SLAIN1: variants seen among roughly 807,000 people sequenced by gnomAD.
SLAIN1 encodes SLAIN family member 1.
Under a neutral mutation model 55.4 loss-of-function variants are expected in SLAIN1, and 17 were observed. That is an observed-to-expected ratio of 0.31 (90% CI 0.21 to 0.46). The LOEUF is 0.46. SLAIN1 is among the 20% of genes least tolerant of loss of function. The pLI is 1.00. For synonymous variants in SLAIN1, 348 were observed against 337.4 expected, an observed-to-expected ratio of 1.03 and a Z score of -0.35; for missense variants, 682 against 785.1, an observed-to-expected ratio of 0.87 and a Z score of 1.57.
At chr13:77,730,970 T>G (rs1294497421) in intron 2 of SLAIN1, among the ~76,000 whole-genome samples, 1 of 152,100 alleles carries the variant, frequency 6.6e-6, no homozygotes, top group African/African-American at 2.4e-5. Flanking sequence ...TCTCTGAAAG[T>G]TGGCCAAAGG....
chr13:77,757,639 A>T (rs1374820464), intron 5 of SLAIN1, among the ~76,000 whole-genome samples: 1 of 152,058 alleles, frequency 6.6e-6, no homozygotes, highest in Non-Finnish European at 1.5e-5. Flanking sequence ...TTATGCCTTT[A>T]CATCCTCATA....
chr13:77,752,160 T>G (rs557217088), intron 4 of SLAIN1, among the ~76,000 whole-genome samples: 1 of 152,272 alleles, frequency 6.6e-6, no homozygotes, highest in African/African-American at 2.4e-5. Flanking sequence ...TTCCAGAGAT[T>G]AATGTGGTCA....
chr13:77,697,957 C>T lies in SLAIN1; in HGVS notation c.44C>T (p.Ser15Phe), dbSNP rs1368410637. 6.9e-7 allele frequency: 1 copy of T among 1,445,698 alleles called. No homozygotes were observed. Among genetic ancestry groups the T allele is most frequent in the Non-Finnish European group, 9.2e-7 (1 of 1,090,684 alleles). The allele number at this position is 1,445,698 out of a possible 1,614,324, so 89.6% of individuals were successfully genotyped here. A position where few individuals can be genotyped will look rare whatever the true frequency, so the allele number is the denominator to read the frequency against. The change falls in exon 1 of 7, where the codon TCT (serine) becomes TTT (phenylalanine). Residue 15 changes from serine to phenylalanine, a missense_variant. By Grantham distance (155) the Ser-to-Phe change is radical. This residue lies in a region of SLAIN1 where 401 missense variants were observed against 417.3 expected (regional missense o/e 0.96). Transcript: ENST00000418532. Reference sequence around the variant, plus strand: ...AAATGCGCCTCGGCAGGGGTCAGCTCTGGAGCGGGCTCCGGGCCGGTGGTG... The same window carrying T: ...AAATGCGCCTCGGCAGGGGTCAGCTTTGGAGCGGGCTCCGGGCCGGTGGTG... ...QVKCASAGVS[S>F]GAGSGPVVNA...
Position 77,761,247 on chromosome 13 carries a change from C to G in SLAIN1, c.1697+137C>G, listed in dbSNP as rs1874998866. On this transcript the variant is annotated intron_variant, in intron 6 of 6. Coordinates refer to ENST00000418532, the MANE Select transcript of SLAIN1 (RefSeq NM_001242868.2). ...TATGGCCTGACTTGTGCTCTCCTCC[C>G]TTTGAAAAGTGATGGATATCCCTGT... The G allele has an allele frequency of 4.9e-6, 4 of 820,078 alleles. No homozygotes were observed. In the South Asian group the frequency reaches 7.0e-5, roughly 14 times the overall value. The allele number at this position is 820,078 out of a possible 1,614,324, so 50.8% of individuals were successfully genotyped here.
intron 1 of SLAIN1, among the ~76,000 whole-genome samples, chr13:77,705,644 A>G: frequency 6.8e-6 from 1 of 146,312 alleles, no homozygotes; most frequent in African/African-American, 2.5e-5. Context: ...AGAAATACAG[A>G]TTTTTTTTTT....
intron 1 of SLAIN1, among the ~76,000 whole-genome samples, chr13:77,701,042 C>T (rs1421173698): frequency 6.6e-6 from 1 of 152,084 alleles, no homozygotes; most frequent in Non-Finnish European, 1.5e-5. Flanking sequence ...TTTCATTGAA[C>T]ATACATTGGA....
chr13:77,742,999 T>G, intron 2 of SLAIN1: 1 of 1,281,530 alleles, frequency 7.8e-7, no homozygotes, highest in Non-Finnish European at 1.0e-6. Context: ...TGCTGCTATT[T>G]TCTGCTTCTG....
chr13:77,716,138 A>G (rs1247082757), intron 1 of SLAIN1, among the ~76,000 whole-genome samples: 1 of 150,044 alleles, frequency 6.7e-6, no homozygotes, highest in African/African-American at 2.4e-5. Context: ...TTTTTTTCTC[A>G]CATATAGATA....
At chr13:77,703,738 A>G (rs1341654490) in intron 1 of SLAIN1, among the ~76,000 whole-genome samples, 2 of 151,850 alleles carry the variant, frequency 1.3e-5, no homozygotes, top group East Asian at 1.9e-4. Flanking sequence ...AAACACTGTT[A>G]CAGAGAACTA....
intron 2 of SLAIN1, among the ~76,000 whole-genome samples, chr13:77,729,546 C>T (rs1594271832): frequency 6.6e-6 from 1 of 151,418 alleles, no homozygotes; most frequent in Middle Eastern, 3.4e-3. Flanking sequence ...TTCTTGGGAC[C>T]TCTACAGAAT....
intron 5 of SLAIN1, among the ~76,000 whole-genome samples, chr13:77,759,265 T>A (rs1199080079): frequency 6.6e-6 from 1 of 152,184 alleles, no homozygotes; most frequent in Non-Finnish European, 1.5e-5. Flanking sequence ...TGCTACTGAT[T>A]TGTGTACATT....
chr13:77,727,876 C>T (rs1270930284), intron 2 of SLAIN1, among the ~76,000 whole-genome samples: 1 of 152,090 alleles, frequency 6.6e-6, no homozygotes, highest in Non-Finnish European at 1.5e-5. Flanking sequence ...CAGAAACATT[C>T]CTAATGTACA....
Position 77,761,051 on chromosome 13 carries a change from T to C in SLAIN1, c.1638T>C (p.Pro546=), listed in dbSNP as rs756112207. The C allele has an allele frequency of 6.8e-6, 11 of 1,614,058 alleles. No individual in the cohort carries two copies. Among genetic ancestry groups the C allele is most frequent in the South Asian group, 2.2e-5 (2 of 91,092 alleles). ...TGGGTCGCAGTGCACTCCCAAGACC[T>C]TCGTTGGCAATAAATGGGAGTAACC... ...GIMGRSALPR[P]SLAINGSNLP... Residue 546 remains proline, a synonymous_variant, in exon 6 of 7, where the codon CCT becomes CCC. Coordinates refer to ENST00000418532, the MANE Select transcript of SLAIN1 (RefSeq NM_001242868.2).
intron 1 of SLAIN1, among the ~76,000 whole-genome samples, chr13:77,712,034 ACT>A (rs1295875638): frequency 3.3e-5 from 5 of 152,154 alleles, no homozygotes; most frequent in African/African-American, 9.6e-5. Flanking sequence ...ATGCTTAAAA[ACT>A]CTCAATAAAC....
chr13:77,710,719 A>G (rs1284372948), intron 1 of SLAIN1, among the ~76,000 whole-genome samples: 3 of 152,234 alleles, frequency 2.0e-5, no homozygotes, highest in Admixed American at 6.5e-5. Context: ...ACTTGAACTC[A>G]GCTGTGGACC....
chr13:77,732,760 A>G (rs1421076995), intron 2 of SLAIN1, among the ~76,000 whole-genome samples: 2 of 152,076 alleles, frequency 1.3e-5, no homozygotes, highest in African/African-American at 4.8e-5. Context: ...GGTCCTGGAT[A>G]ATACTGGATT....
intron 2 of SLAIN1, among the ~76,000 whole-genome samples, chr13:77,743,693 T>A (rs1351007234): frequency 6.6e-6 from 1 of 151,164 alleles, no homozygotes; most frequent in Non-Finnish European, 1.5e-5. Context: ...TTTATCCTCA[T>A]GGGTGGCTAT....
In SLAIN1 at chr13:77,763,422, A is replaced by G; in HGVS notation, c.*202A>G. 3.5e-6 allele frequency: 2 copies of G among 567,128 alleles called. No individual in the cohort carries two copies. The highest frequency in any genetic ancestry group is 1.9e-5 in the African/African-American group (1 of 53,382). 35.1% of individuals were successfully genotyped at this position (567,128 alleles called of 1,614,324 possible). A position where few individuals can be genotyped will look rare whatever the true frequency, so the allele number is the denominator to read the frequency against. ...TGCCTGAGATACTGCAACATTCTCA[A>G]ACCCATGGTTGCAGTATTGTGACAC... On this transcript the variant is annotated 3_prime_UTR_variant, in exon 7 of 7. Transcript: ENST00000418532.
At chr13:77,707,957 G>T (rs73231041) in intron 1 of SLAIN1, among the ~76,000 whole-genome samples, 1 of 152,290 alleles carries the variant, frequency 6.6e-6, no homozygotes, top group South Asian at 2.1e-4. Context: ...TGGGATTCCA[G>T]TTGTCCCTTA....
Sources: allele counts gnomAD v4.1 joint callset (sites outside exome capture counted in the v4.1 genomes callset), GRCh38; gene constraint gnomAD v4.1.1; regional missense constraint gnomAD v4.1.1; transcripts MANE v1.5; gene names NCBI Gene and HGNC (gene_info 2026-07-23, HGNC 2026-07-21).